Variants in LEPR observed in about 807,000 individuals in gnomAD.
LEPR encodes the protein OB receptor.
A neutral mutation model predicts 114.7 loss-of-function variants in LEPR; 56 were observed. The observed-to-expected ratio is 0.49, with a 90% CI of 0.39 to 0.61. The LOEUF is 0.61. Among genes scored for constraint, LEPR ranks in the 20% least tolerant of loss-of-function variants. The pLI is 0.00. For missense variants in LEPR, 1,202 were observed against 1,352.9 expected, an observed-to-expected ratio of 0.89 and a Z score of 1.75; for synonymous variants, 443 against 461.4, an observed-to-expected ratio of 0.96 and a Z score of 0.51.
At chr1:65,597,565 C>A (rs991709460) in intron 7 of LEPR, among the ~76,000 whole-genome samples, 1 of 151,880 alleles carries the variant, frequency 6.6e-6, no homozygotes, top group Non-Finnish European at 1.5e-5. Flanking sequence ...GGGTTCTAAA[C>A]AGGGAGAACA....
chr1:65,434,299 A>C, intron 2 of LEPR: 1 of 984,160 alleles, frequency 1.0e-6, no homozygotes, highest in Non-Finnish European at 1.2e-6. Flanking sequence ...AATGTTGGAC[A>C]TTTTTTTCCT....
chr1:65,617,076 A>G (rs991806055), intron 15 of LEPR, among the ~76,000 whole-genome samples: 8 of 152,182 alleles, frequency 5.3e-5, no homozygotes, highest in Admixed American at 3.9e-4. Context: ...TCCTAAGTAT[A>G]TATATTCTAG....
chr1:65,525,463 G>T (rs574723924), intron 2 of LEPR, among the ~76,000 whole-genome samples: 88 of 152,198 alleles, frequency 5.8e-4, no homozygotes, highest in African/African-American at 2.0e-3. Context: ...CCGCAGGCCC[G>T]CGGCCACCCG....
At chr1:65,561,625 G>C (rs1286415737) in intron 2 of LEPR, among the ~76,000 whole-genome samples, 1 of 48,160 alleles carries the variant, frequency 2.1e-5, no homozygotes, top group Non-Finnish European at 4.1e-5. Flanking sequence ...TGCTTTTCTA[G>C]TTCTTTTAAT....
chr1:65,459,021 G>A (rs1004787559), intron 2 of LEPR, among the ~76,000 whole-genome samples: 1 of 152,142 alleles, frequency 6.6e-6, no homozygotes, highest in African/African-American at 2.4e-5. Flanking sequence ...ATAATCTATA[G>A]GTGAAAGGAA....
chr1:65,438,279 C>T (rs931822613), intron 2 of LEPR, among the ~76,000 whole-genome samples: 14 of 151,894 alleles, frequency 9.2e-5, no homozygotes, highest in African/African-American at 2.7e-4. Flanking sequence ...CAGCCGGGCA[C>T]GGTGGCTCAC....
At chr1:65,615,707 C>G (rs1424654719) in intron 14 of LEPR, among the ~76,000 whole-genome samples, 4 of 152,150 alleles carry the variant, frequency 2.6e-5, no homozygotes, top group Admixed American at 6.5e-5. Flanking sequence ...AGAAAAGTGT[C>G]TTGATCATAT....
At chr1:65,609,257 T>C (rs1401577848) in intron 12 of LEPR, among the ~76,000 whole-genome samples, 1 of 152,224 alleles carries the variant, frequency 6.6e-6, no homozygotes, top group East Asian at 1.9e-4. Context: ...TAAAGAAAAA[T>C]TTGTGACCTT....
At chr1:65,518,867 C>CTTTCTT (rs557720111) in intron 2 of LEPR, among the ~76,000 whole-genome samples, 3 of 140,246 alleles carry the variant, frequency 2.1e-5, no homozygotes, top group Admixed American at 7.1e-5. Flanking sequence ...TTCTTTCTTT[C>CTTTCTT]TTTCTTTTTC....
At chr1:65,505,512 C>T (rs1389296387) in intron 2 of LEPR, among the ~76,000 whole-genome samples, 3 of 152,128 alleles carry the variant, frequency 2.0e-5, no homozygotes, top group Non-Finnish European at 4.4e-5. Flanking sequence ...CCTCAGGCCT[C>T]CTTGCTCTCT....
rs544301999 is a variant in LEPR, at chr1:65,638,988, T to A, written c.*1973T>A. On this transcript the variant is annotated 3_prime_UTR_variant, in exon 20 of 20. Transcript: ENST00000349533. ...TAGATTATTGGTATTTAATTGAAGG[T>A]ACAGTACAGAAGAGATAGAAAAATA... The A allele has an allele frequency of 6.6e-6, 1 of 152,256 alleles. No homozygotes were observed. The highest frequency in any genetic ancestry group is 2.1e-4 in the South Asian group (1 of 4,814). The allele number at this position is 152,256 out of a possible 1,614,324, so 9.4% of individuals were successfully genotyped here. A position where few individuals can be genotyped will look rare whatever the true frequency, so the allele number is the denominator to read the frequency against.
intron 19 of LEPR, among the ~76,000 whole-genome samples, chr1:65,624,672 T>G (rs1358539229): frequency 6.6e-6 from 1 of 152,210 alleles, no homozygotes; most frequent in Non-Finnish European, 1.5e-5. Flanking sequence ...AATAGAATGT[T>G]TTAAAATTCT....
chr1:65,488,190 T>TTCTTTCTTTCTTTCTCTCTCTCTCTC, intron 2 of LEPR, among the ~76,000 whole-genome samples: 1 of 21,974 alleles, frequency 4.6e-5, no homozygotes, highest in East Asian at 6.2e-4. Flanking sequence ...CTTTCTTTCT[T>TTCTTTCTTTCTTTCTCTCTCTCTCTC]TCTTTCTTTC....
At chr1:65,605,277 A>T in intron 11 of LEPR, 40 bp downstream of exon 11, 1 of 1,607,238 alleles carries the variant, frequency 6.2e-7, no homozygotes, top group Non-Finnish European at 8.5e-7. Context: ...GTGTTAGCAG[A>T]TTTGTATGCA....
intron 2 of LEPR, among the ~76,000 whole-genome samples, chr1:65,540,263 A>G (rs1354172792): frequency 6.6e-6 from 1 of 152,112 alleles, no homozygotes; most frequent in Non-Finnish European, 1.5e-5. Context: ...TACCTTTGTT[A>G]TACCTCATTA....
At position 65,636,426 on chromosome 1, in the gene LEPR, C is replaced by T; in HGVS notation, c.2909C>T (p.Thr970Ile). The stretch of plus-strand genomic sequence containing the variant: ...GTTAACTTCTCTGAGGCTGAGGGTA[C>T]TGAGGTAACCTATGAGGACGAAAGC... ...NSVNFSEAEG[T>I]EVTYEDESQR... The change falls in exon 20 of 20, where the codon ACT (threonine) becomes ATT (isoleucine). Residue 970 changes from threonine to isoleucine, a missense_variant. By Grantham distance (89) the Thr-to-Ile change is moderately conservative. Transcript: ENST00000349533. 1 of 1,614,066 alleles carries T rather than the reference C, an allele frequency of 6.2e-7. No individual in the cohort carries two copies. Among genetic ancestry groups the T allele is most frequent in the Non-Finnish European group, 8.5e-7 (1 of 1,179,982 alleles).
chr1:65,526,324 A>G lies in LEPR; in HGVS notation c.-20-39222A>G, dbSNP rs1649968067. 10 of 985,240 alleles carry G rather than the reference A, an allele frequency of 1.0e-5. No individual in the cohort carries two copies. The South Asian group carries it at 2.8e-4, about 28-fold the overall frequency. 61.0% of individuals were successfully genotyped at this position (985,240 alleles called of 1,614,324 possible). ...TTCCCTGCAAGCAAATTAAACAACA[A>G]CAGTAGCAGCATCAGCAGCAAAACC... On this transcript the variant is annotated intron_variant, in intron 2 of 19. Transcript: ENST00000349533.
At chr1:65,435,083 C>A (rs979328455) in intron 2 of LEPR, 68 of 985,304 alleles carry the variant, frequency 6.9e-5, no homozygotes, top group Non-Finnish European at 7.8e-5. Context: ...AAGATTCCAG[C>A]AGCTTATAGA....
chr1:65,504,866 A>G (rs1220748800), intron 2 of LEPR, among the ~76,000 whole-genome samples: 2 of 152,190 alleles, frequency 1.3e-5, no homozygotes, highest in Non-Finnish European at 2.9e-5. Context: ...GAATTCTACT[A>G]TCTTTATCAC....
Sources: gnomAD v4.1 joint callset for allele counts (sites outside exome capture counted in the v4.1 genomes callset) on GRCh38, gnomAD v4.1.1 for gene constraint, MANE v1.5 for transcripts, NCBI Gene and HGNC (gene_info 2026-07-23, HGNC 2026-07-21) for gene names.